DHX15: variants seen among roughly 807,000 people sequenced by gnomAD.
DHX15 encodes ATP-dependent RNA helicase DHX15.
In DHX15, 11 loss-of-function variants were observed where a neutral mutation model predicts 94.4. The observed-to-expected ratio is 0.12, with a 90% CI of 0.07 to 0.19. DHX15 has a LOEUF of 0.19. Ranked by LOEUF, DHX15 falls within the 10% of genes least tolerant of loss-of-function variation. The pLI, the probability that DHX15 is intolerant of heterozygous loss-of-function variation, is 1.00. For synonymous variants in DHX15, 338 were observed against 329.9 expected (o/e 1.02, Z -0.27); for missense variants, 304 against 988.5 (o/e 0.31, Z 9.29).
chr4:24,556,195 T>A, intron 4 of DHX15, 56 bp downstream of exon 4: 2 of 1,507,662 alleles, frequency 1.3e-6, no homozygotes, highest in Non-Finnish European at 1.8e-6. Context: ...GTATTCCCCA[T>A]TTTTATGCCC....
At chr4:24,544,344 A>G (rs1433624064) in intron 6 of DHX15, among the ~76,000 whole-genome samples, 1 of 152,172 alleles carries the variant, frequency 6.6e-6, no homozygotes, top group Non-Finnish European at 1.5e-5. Context: ...CTAACAGGAA[A>G]CCTCAGGGAT....
At chr4:24,529,334 C>T (rs1326510300) in intron 13 of DHX15, among the ~76,000 whole-genome samples, 2 of 152,196 alleles carry the variant, frequency 1.3e-5, no homozygotes, top group Non-Finnish European at 2.9e-5. Context: ...CCACCATGCC[C>T]AGCCCCTGAA....
intron 13 of DHX15, among the ~76,000 whole-genome samples, chr4:24,528,947 T>G (rs1226846160): frequency 6.6e-6 from 1 of 151,704 alleles, no homozygotes. Flanking sequence ...CAAGAAACAG[T>G]ACTGACTTGA....
At chr4:24,548,054 A>C (rs1721493722) in intron 6 of DHX15, among the ~76,000 whole-genome samples, 1 of 150,202 alleles carries the variant, frequency 6.7e-6, no homozygotes, top group African/African-American at 2.4e-5. Context: ...GGGCTGAAAT[A>C]ATCTTGTTCC....
chr4:24,570,572 C>T (rs1722100120), intron 3 of DHX15, 82 bp downstream of exon 3: 2 of 1,290,974 alleles, frequency 1.5e-6, no homozygotes, highest in Non-Finnish European at 2.2e-6. Context: ...ATGACATAAG[C>T]CTGCACTAGC....
chr4:24,544,605 T>C (rs1420255901), intron 6 of DHX15, among the ~76,000 whole-genome samples: 1 of 152,174 alleles, frequency 6.6e-6, no homozygotes, highest in Non-Finnish European at 1.5e-5. Flanking sequence ...AACCGGCATT[T>C]AATATTCTAG....
At chr4:24,538,696 C>T (rs921366718) in intron 10 of DHX15, 1 of 151,942 alleles carries the variant, frequency 6.6e-6, no homozygotes, top group African/African-American at 2.4e-5. Context: ...GCTCATTCTC[C>T]TGACAAACTA....
chr4:24,571,014 AAGGAAC>A lies in DHX15; in HGVS notation c.508-173_508-168del, dbSNP rs1248940485. 2.6e-5 allele frequency among the ~76,000 whole-genome samples: 4 copies of A among 152,192 alleles called. No homozygotes were observed. The East Asian group carries it at 7.7e-4, about 29-fold the overall frequency. ...TGTAACAACACAAGCTCTCTAAACC[AAGGAAC>A]AGTTATGTGTAATACTGATATGACA... On this transcript the variant is annotated intron_variant, in intron 2 of 13. Coordinates refer to ENST00000336812, the MANE Select transcript of DHX15 (RefSeq NM_001358.3).
At chr4:24,557,208 A>G (rs1721758605) in intron 3 of DHX15, among the ~76,000 whole-genome samples, 1 of 152,186 alleles carries the variant, frequency 6.6e-6, no homozygotes, top group Non-Finnish European at 1.5e-5. Flanking sequence ...GGGGTCAGCT[A>G]TCTCCTGTCC....
chr4:24,529,855 G>C, intron 12 of DHX15, 85 bp from the exon 13 acceptor site: 1 of 1,366,126 alleles, frequency 7.3e-7, no homozygotes. Context: ...GAAGAGGCAG[G>C]CCTCCCTTTT....
intron 2 of DHX15, among the ~76,000 whole-genome samples, chr4:24,576,027 A>C (rs1215193204): frequency 6.6e-6 from 1 of 152,200 alleles, no homozygotes; most frequent in Non-Finnish European, 1.5e-5. Context: ...ACAAAATTTG[A>C]AAAGCGAGCA....
At position 24,576,392 on chromosome 4, in the gene DHX15, T is replaced by A. The variant is rs766179570; in HGVS notation, c.358A>T (p.Asn120Tyr). 6.2e-7 allele frequency: 1 copy of A among 1,614,182 alleles called. No homozygotes were observed. Among genetic ancestry groups the A allele is most frequent in the Non-Finnish European group, 8.5e-7 (1 of 1,180,034 alleles). Reference sequence around the variant, plus strand: ...TAGTATCGAGGAGTATGGGGTAAGTTGGTGAACGGATTAATGCACTGTGGA... The same window carrying A: ...TAGTATCGAGGAGTATGGGGTAAGTAGGTGAACGGATTAATGCACTGTGGA... ...SLPQCINPFT[N>Y]LPHTPRYYDI... is the part of the protein sequence containing the mutation. Residue 120 changes from asparagine (N) to tyrosine (Y), a missense_variant, in exon 2 of 14, where the codon AAC (asparagine) becomes TAC (tyrosine). Physicochemically the swap from Asn to Tyr is moderately radical, Grantham distance 143. Around this residue, in one of 9 missense-constraint regions of DHX15, gnomAD observed 143 missense variants for 200.5 expected, o/e 0.71. Transcript: ENST00000336812.
rs994240104 is a variant in DHX15 at position 24,568,614 on chromosome 4, C to T, written c.701+2040G>A. Among the ~76,000 whole-genome samples, 6 of 152,184 alleles carry T rather than the reference C, an allele frequency of 3.9e-5. No individual in the cohort carries two copies. In the South Asian group the frequency reaches 6.2e-4, roughly 16 times the overall value. The stretch of plus-strand genomic sequence containing the variant: ...CCTATCCTCCACCCACTTCCTACTA[C>T]ACATACACACAGCACCAATATTGCA... On this transcript the variant is annotated intron_variant, in intron 3 of 13. Transcript: ENST00000336812.
intron 2 of DHX15, among the ~76,000 whole-genome samples, chr4:24,571,735 T>C (rs1722127397): frequency 6.6e-6 from 1 of 152,230 alleles, no homozygotes; most frequent in South Asian, 2.1e-4. Context: ...TTCTGCACAG[T>C]ATCAGTACAG....
chr4:24,553,110 G>A (rs1390138750), intron 5 of DHX15, among the ~76,000 whole-genome samples: 1 of 152,040 alleles, frequency 6.6e-6, no homozygotes, highest in Non-Finnish European at 1.5e-5. Flanking sequence ...ATCACCTGAA[G>A]TTGGGAGTTC....
chr4:24,546,593 A>T (rs1326992278), intron 6 of DHX15, among the ~76,000 whole-genome samples: 2 of 152,220 alleles, frequency 1.3e-5, no homozygotes, highest in South Asian at 4.1e-4. Flanking sequence ...ACCCTCATAT[A>T]AATATATGTT....
At chr4:24,567,590 A>G (rs2109007282) in intron 3 of DHX15, among the ~76,000 whole-genome samples, 1 of 152,238 alleles carries the variant, frequency 6.6e-6, no homozygotes, top group African/African-American at 2.4e-5. Context: ...AAAAAAAAAA[A>G]AAAAGTTACA....
At chr4:24,530,907 T>G (rs1355624115) in intron 12 of DHX15, 1 of 152,186 alleles carries the variant, frequency 6.6e-6, no homozygotes, top group Middle Eastern at 3.2e-3. Context: ...AATAAATTTT[T>G]TGTTTGTTTT....
intron 5 of DHX15, among the ~76,000 whole-genome samples, chr4:24,550,559 C>A (rs1245810257): frequency 6.6e-6 from 1 of 152,110 alleles, no homozygotes; most frequent in African/African-American, 2.4e-5. Context: ...ACACACTTAA[C>A]CTAGGCCCCC....
Sources: allele counts gnomAD v4.1 joint callset (sites outside exome capture counted in the v4.1 genomes callset), GRCh38; gene constraint gnomAD v4.1.1; regional missense constraint gnomAD v4.1.1; transcripts MANE v1.5; gene names NCBI Gene and HGNC (gene_info 2026-07-23, HGNC 2026-07-21).